EXOC6B: variants seen among roughly 807,000 people sequenced by gnomAD.
EXOC6B encodes the protein exocyst complex component 6B, also known as SEC15 homolog B.
A neutral mutation model predicts 113.5 loss-of-function variants in EXOC6B; 54 were observed. The observed-to-expected ratio is 0.48, with a 90% CI of 0.38 to 0.60. The LOEUF (loss-of-function observed/expected upper bound fraction) is 0.60, where lower values mean the gene tolerates loss of function less well. Ranked by LOEUF, EXOC6B falls within the 20% of genes least tolerant of loss-of-function variation. The pLI, the probability that EXOC6B is intolerant of heterozygous loss-of-function variation, is 0.00. For missense variants in EXOC6B, 797 were observed against 977.5 expected, an observed-to-expected ratio of 0.82 and a Z score of 2.46; for synonymous variants, 357 against 339.0, an observed-to-expected ratio of 1.05 and a Z score of -0.58.
At chr2:72,422,337 T>A (rs534097735) in intron 18 of EXOC6B, among the ~76,000 whole-genome samples, 35 of 152,236 alleles carry the variant, frequency 2.3e-4, no homozygotes, top group Non-Finnish European at 2.6e-4. Context: ...AGCTCATGGA[T>A]TGTAAACACC....
chr2:72,572,439 A>T (rs977333125), intron 7 of EXOC6B, among the ~76,000 whole-genome samples: 1 of 152,224 alleles, frequency 6.6e-6, no homozygotes, highest in African/African-American at 2.4e-5. Flanking sequence ...GAATTCCACA[A>T]ACCCCCTGAA....
At chr2:72,427,390 C>T (rs1695261233) in intron 18 of EXOC6B, among the ~76,000 whole-genome samples, 1 of 152,270 alleles carries the variant, frequency 6.6e-6, no homozygotes, top group African/African-American at 2.4e-5. Flanking sequence ...CCCAGGAAGG[C>T]CTCCACTGCC....
chr2:72,651,001 T>C (rs1674130034), intron 6 of EXOC6B, among the ~76,000 whole-genome samples: 1 of 152,050 alleles, frequency 6.6e-6, no homozygotes, highest in Admixed American at 6.6e-5. Flanking sequence ...ACAGATATCT[T>C]GAACCCTAAG....
intron 20 of EXOC6B, among the ~76,000 whole-genome samples, chr2:72,265,490 G>C (rs1225296370): frequency 6.7e-6 from 1 of 150,176 alleles, no homozygotes; most frequent in East Asian, 2.0e-4. Flanking sequence ...ATCTCTGAGT[G>C]AGAACATGCA....
In EXOC6B at chr2:72,197,098, G is replaced by C. The variant is rs193288072; in HGVS notation, c.2197-12911C>G. ...GAGCAGAAATAGGAGTAGCTGAGAT[G>C]TATTCAAAGGAAGAAGAAAATAGAC... On this transcript the variant is annotated intron_variant, in intron 20 of 21. Coordinates refer to ENST00000272427, the MANE Select transcript of EXOC6B (RefSeq NM_015189.3). Among the ~76,000 whole-genome samples, 335 of 152,342 alleles carry C rather than the reference G, an allele frequency of 2.2e-3. 1 individual carries two copies. The highest frequency in any genetic ancestry group is 7.5e-3 in the African/African-American group (312 of 41,586).
intron 6 of EXOC6B, among the ~76,000 whole-genome samples, chr2:72,714,644 T>C (rs916201586): frequency 6.6e-6 from 1 of 151,662 alleles, no homozygotes; most frequent in African/African-American, 2.4e-5. Context: ...TGCAATGAAG[T>C]CCCAAGAAGG....
chr2:72,201,661 C>T (rs1387742824), intron 20 of EXOC6B, among the ~76,000 whole-genome samples: 2 of 152,182 alleles, frequency 1.3e-5, no homozygotes, highest in African/African-American at 4.8e-5. Flanking sequence ...TAAACACAAA[C>T]TATTTCTTCT....
At chr2:72,447,263 AG>A (rs1696643469) in intron 18 of EXOC6B, among the ~76,000 whole-genome samples, 1 of 152,164 alleles carries the variant, frequency 6.6e-6, no homozygotes, top group South Asian at 2.1e-4. Flanking sequence ...TAGTTACTTG[AG>A]GGAAGGACCA....
At chr2:72,303,976 T>C (rs554222226) in intron 20 of EXOC6B, among the ~76,000 whole-genome samples, 1 of 152,290 alleles carries the variant, frequency 6.6e-6, no homozygotes, top group East Asian at 1.9e-4. Context: ...AGGTGAGTGT[T>C]CTGTGCTAGG....
intron 8 of EXOC6B, among the ~76,000 whole-genome samples, chr2:72,536,057 T>C (rs543645809): frequency 5.9e-5 from 9 of 152,068 alleles, no homozygotes; most frequent in Non-Finnish European, 1.3e-4. Context: ...TATTAACTTT[T>C]TATAGGGAGT....
chr2:72,186,199 T>A (rs1235092299), intron 20 of EXOC6B, among the ~76,000 whole-genome samples: 1 of 152,246 alleles, frequency 6.6e-6, no homozygotes, highest in Non-Finnish European at 1.5e-5. Context: ...AGTGCCACAA[T>A]AAACATGTGT....
At chr2:72,631,445 TATATATATATATATATAGAGAGAGAG>T (rs1672414216) in intron 6 of EXOC6B, among the ~76,000 whole-genome samples, 1 of 72,856 alleles carries the variant, frequency 1.4e-5, no homozygotes, top group African/African-American at 5.6e-5. Flanking sequence ...TATATATATA[TATATATATATATATATAGAGAGAGAG>T]AGAGAGAGAG....
chr2:72,571,742 C>T (rs921583341), intron 7 of EXOC6B, among the ~76,000 whole-genome samples: 3 of 152,088 alleles, frequency 2.0e-5, no homozygotes, highest in Non-Finnish European at 2.9e-5. Flanking sequence ...CCTCAGTTCC[C>T]CAGGCTGTTA....
At chr2:72,784,038 G>A (rs1262378812) in intron 1 of EXOC6B, among the ~76,000 whole-genome samples, 2 of 152,098 alleles carry the variant, frequency 1.3e-5, no homozygotes, top group African/African-American at 2.4e-5. Context: ...CGGTGAGGGG[G>A]TCCAGTTTCA....
intron 1 of EXOC6B, among the ~76,000 whole-genome samples, chr2:72,822,102 G>C (rs1002141019): frequency 1.3e-5 from 2 of 152,088 alleles, no homozygotes; most frequent in Non-Finnish European, 2.9e-5. Flanking sequence ...CTTCTACTGA[G>C]TAAGTGATAT....
intron 20 of EXOC6B, among the ~76,000 whole-genome samples, chr2:72,192,894 T>C (rs1678935702): frequency 6.6e-6 from 1 of 152,154 alleles, no homozygotes; most frequent in Admixed American, 6.5e-5. Flanking sequence ...ACAAAATGAT[T>C]TCAAATAACA....
chr2:72,315,335 GTGTA>G (rs2104806752), intron 20 of EXOC6B, among the ~76,000 whole-genome samples: 1 of 151,836 alleles, frequency 6.6e-6, no homozygotes, highest in African/African-American at 2.4e-5. Flanking sequence ...GAGTTAAAGG[GTGTA>G]TGTGTGTGTG....
intron 10 of EXOC6B, among the ~76,000 whole-genome samples, chr2:72,513,959 A>G (rs1372796917): frequency 6.6e-6 from 1 of 152,276 alleles, no homozygotes; most frequent in East Asian, 1.9e-4. Flanking sequence ...AACCTGATGA[A>G]GAATCCAAGT....
intron 6 of EXOC6B, among the ~76,000 whole-genome samples, chr2:72,636,617 T>A (rs998536260): frequency 6.6e-6 from 1 of 151,974 alleles, no homozygotes; most frequent in Non-Finnish European, 1.5e-5. Context: ...CAGAAAAAAA[T>A]GTTGACAAAA....
Sources: allele counts gnomAD v4.1 joint callset (sites outside exome capture counted in the v4.1 genomes callset), GRCh38; gene constraint gnomAD v4.1.1; transcripts MANE v1.5; gene names NCBI Gene and HGNC (gene_info 2026-07-23, HGNC 2026-07-21).